The following PKHD1 variants were observed in gnomAD, a reference collection of about 807,000 sequenced individuals.
PKHD1 encodes the protein fibrocystin.
A neutral mutation model predicts 412.0 loss-of-function variants in PKHD1; 291 were observed. The observed-to-expected ratio is 0.71, with a 90% CI of 0.64 to 0.78. The LOEUF is 0.78. Ranked by LOEUF, PKHD1 falls within the 30% of genes least tolerant of loss-of-function variation. PKHD1 has a pLI of 0.00. For missense variants in PKHD1, 4,825 were observed against 4,950.7 expected (o/e 0.97, Z 0.76); for synonymous variants, 1,777 against 1,821.5 (o/e 0.98, Z 0.62).
chr6:51,617,960 T>G lies in PKHD1; in HGVS notation c.*1121A>C, dbSNP rs952459900. On this transcript the variant is annotated 3_prime_UTR_variant, in exon 67 of 67. Transcript: ENST00000371117. ...CTCTCCACATTCCTGCGATCTTTTCTTTACATGCTTGGAGCATAAGGCCTT... is the reference window on the plus strand; with the variant it reads ...CTCTCCACATTCCTGCGATCTTTTCGTTACATGCTTGGAGCATAAGGCCTT... 1.3e-5 allele frequency: 2 copies of G among 152,178 alleles called. No individual in the cohort carries two copies. The highest frequency in any genetic ancestry group is 4.8e-5 in the African/African-American group (2 of 41,442). The allele number at this position is 152,178 out of a possible 1,614,324, so 9.4% of individuals were successfully genotyped here.
chr6:51,711,454 T>C (rs889485236), intron 60 of PKHD1, among the ~76,000 whole-genome samples: 5 of 152,234 alleles, frequency 3.3e-5, no homozygotes, highest in Non-Finnish European at 5.9e-5. Flanking sequence ...TTTATGGAAC[T>C]AATATGCAGC....
intron 60 of PKHD1, chr6:51,721,579 A>G: frequency 9.9e-7 from 1 of 1,007,432 alleles, no homozygotes; most frequent in Non-Finnish European, 1.2e-6. Context: ...TAATATCTGA[A>G]TTGCTCCTCT....
At chr6:51,765,758 G>A (rs1788883914) in intron 55 of PKHD1, among the ~76,000 whole-genome samples, 1 of 152,104 alleles carries the variant, frequency 6.6e-6, no homozygotes, top group East Asian at 1.9e-4. Context: ...TGAGCTCCCA[G>A]AGGGCAGCAA....
intron 36 of PKHD1, among the ~76,000 whole-genome samples, chr6:51,952,903 CACAA>C (rs1790566008): frequency 6.6e-6 from 1 of 152,104 alleles, no homozygotes; most frequent in African/African-American, 2.4e-5. Flanking sequence ...GTTGCACACA[CACAA>C]ACAACATTAA....
rs141972092 is a variant in PKHD1 at position 52,025,906 on chromosome 6, C to T, written c.3904G>A (p.Val1302Ile). ...TFMYEAAATP[V>I]VTAMQGEITN... ...ATTTCTCCTTGCATGGCAGTGACTA[C>T]TGGTGTTGCTGCCGCTTCATACATG... The change falls in exon 32 of 67, where the codon GTA (valine) becomes ATA (isoleucine). Residue 1302 changes from valine to isoleucine, a missense_variant. Coordinates refer to ENST00000371117, the MANE Select transcript of PKHD1 (RefSeq NM_138694.4). The T allele has an allele frequency of 1.7e-5, 28 of 1,614,154 alleles. No individual in the cohort carries two copies. In the African/African-American group the frequency reaches 2.8e-4, roughly 16 times the overall value.
intron 66 of PKHD1, among the ~76,000 whole-genome samples, chr6:51,621,025 G>C (rs1267657611): frequency 6.6e-6 from 1 of 152,066 alleles, no homozygotes; most frequent in African/African-American, 2.4e-5. Context: ...GGTTACCCTA[G>C]TTTTCCTAAG....
chr6:51,930,233 C>T (rs562360578), intron 37 of PKHD1, among the ~76,000 whole-genome samples: 3 of 152,242 alleles, frequency 2.0e-5, no homozygotes, highest in Admixed American at 2.0e-4. Context: ...GACTGCCACT[C>T]AGGAGGAATC....
chr6:51,631,724 T>C (rs531727340), intron 65 of PKHD1, among the ~76,000 whole-genome samples: 5 of 152,048 alleles, frequency 3.3e-5, no homozygotes, highest in Non-Finnish European at 5.9e-5. Flanking sequence ...CACTCTAAGA[T>C]AGAAAGAAGC....
intron 60 of PKHD1, among the ~76,000 whole-genome samples, chr6:51,691,985 T>G (rs1778213594): frequency 6.6e-6 from 1 of 152,138 alleles, no homozygotes; most frequent in Non-Finnish European, 1.5e-5. Context: ...CAAGGAAACT[T>G]GTCTCTCCAG....
At chr6:51,651,966 C>T (rs1487322764) in intron 61 of PKHD1, among the ~76,000 whole-genome samples, 2 of 152,116 alleles carry the variant, frequency 1.3e-5, no homozygotes, top group African/African-American at 4.8e-5. Context: ...TCATTACATG[C>T]TGCTCCAATA....
chr6:51,903,663 TC>T lies in PKHD1; in HGVS notation c.6929del (p.Gly2310AspfsTer8). 1.2e-6 allele frequency: 2 copies of T among 1,610,366 alleles called. No individual in the cohort carries two copies. The highest frequency in any genetic ancestry group is 1.7e-6 in the Non-Finnish European group (2 of 1,177,078). The stretch of plus-strand genomic sequence containing the variant: ...GTGTCAACATTTCAGGATTGGAGAG[TC>T]CCTCGGCACCAGAAACCTGGATGAT... ...NVIIQVSGAE[G>X]LSNPEMLTPS... On this transcript the variant is annotated frameshift_variant, in exon 43 of 67. Transcript: ENST00000371117. LOFTEE classifies it high-confidence loss of function.
At chr6:51,897,086 T>A (rs1214684789) in intron 43 of PKHD1, among the ~76,000 whole-genome samples, 1 of 151,850 alleles carries the variant, frequency 6.6e-6, no homozygotes, top group Non-Finnish European at 1.5e-5. Context: ...TGGAAAACAC[T>A]CTGCAGGATA....
intron 52 of PKHD1, among the ~76,000 whole-genome samples, chr6:51,830,628 C>G (rs1768075242): frequency 6.6e-6 from 1 of 152,118 alleles, no homozygotes; most frequent in Admixed American, 6.6e-5. Context: ...TTCAGCATGA[C>G]AATTACTTAT....
Position 51,885,967 on chromosome 6 carries a change from C to A in PKHD1, c.7115G>T (p.Gly2372Val). ...CTGAAATTTAGGGTATACAAAGAGA[C>A]CATACCTAAAAAGTGAAACAGAATG... ...QNIAHSCTRY[G>V]LFVYPKFQPP... The change falls in exon 45 of 67, where the codon GGT becomes GTT. Residue 2372 changes from glycine (G) to valine (V), a missense_variant. By Grantham distance (109) the Gly-to-Val change is moderately radical (BLOSUM62 -3). Coordinates refer to ENST00000371117, the MANE Select transcript of PKHD1 (RefSeq NM_138694.4). 1 of 1,571,274 alleles carries A rather than the reference C, an allele frequency of 6.4e-7. No individual in the cohort carries two copies.
chr6:51,679,181 T>C (rs931830611), intron 60 of PKHD1, among the ~76,000 whole-genome samples: 11 of 152,054 alleles, frequency 7.2e-5, no homozygotes, highest in African/African-American at 2.7e-4. Context: ...TTCCCTCTCA[T>C]GACCCCACAC....
intron 53 of PKHD1, among the ~76,000 whole-genome samples, chr6:51,783,759 T>A (rs940174798): frequency 1.3e-5 from 2 of 152,202 alleles, no homozygotes; most frequent in Non-Finnish European, 2.9e-5. Flanking sequence ...GGGACATTTT[T>A]AAGTCAGTTT....
rs1227898165 is a variant in PKHD1, at chr6:51,746,878, A to G, written c.9841T>C (p.Ser3281Pro). Residue 3281 changes from serine to proline, a missense_variant, in exon 59 of 67, where the codon TCT becomes CCT. Transcript: ENST00000371117. ...GIMKLQDVTFSSFVKSCYSDD... is the reference protein window; with the variant it reads ...GIMKLQDVTFPSFVKSCYSDD... ...CTATAGCAACTCTTCACAAAACTAG[A>G]AAAGGTAACATCTGAAATTTTAAAA... 1 of 1,598,074 alleles carries G rather than the reference A, an allele frequency of 6.3e-7. No individual in the cohort carries two copies. Among genetic ancestry groups the G allele is most frequent in the Admixed American group, 1.7e-5 (1 of 59,614 alleles).
intron 52 of PKHD1, among the ~76,000 whole-genome samples, chr6:51,802,498 T>C (rs1357470819): frequency 6.6e-6 from 1 of 151,514 alleles, no homozygotes; most frequent in African/African-American, 2.4e-5. Flanking sequence ...TCTCAGGTGA[T>C]CCAATTATTA....
At chr6:51,840,147 A>T (rs1255085228) in intron 50 of PKHD1, among the ~76,000 whole-genome samples, 2 of 151,954 alleles carry the variant, frequency 1.3e-5, no homozygotes. Context: ...ATTTGACCTC[A>T]TTCCTCAGAA....
Sources: gnomAD v4.1 joint callset for allele counts (sites outside exome capture counted in the v4.1 genomes callset) on GRCh38, gnomAD v4.1.1 for gene constraint, MANE v1.5 for transcripts, NCBI Gene and HGNC (gene_info 2026-07-23, HGNC 2026-07-21) for gene names.